Variants in AOAH observed in about 807,000 individuals in gnomAD.
AOAH encodes the protein acyloxyacyl hydrolase (neutrophil).
In AOAH, 64 loss-of-function variants were observed where a neutral mutation model predicts 92.2. The ratio of observed to expected loss-of-function variants is 0.69; its 90% CI spans 0.57 to 0.86. The LOEUF is 0.86. Ranked by LOEUF, AOAH falls within the 40% of genes least tolerant of loss-of-function variation. The probability of loss-of-function intolerance (pLI) is 0.00; values close to 1 mark genes in which losing one functional copy is unlikely to be tolerated. For missense variants in AOAH, 656 were observed against 694.6 expected, an observed-to-expected ratio of 0.94 and a Z score of 0.62; for synonymous variants, 263 against 254.5, an observed-to-expected ratio of 1.03 and a Z score of -0.32.
At chr7:36,633,039 C>T (rs892942161) in intron 5 of AOAH, among the ~76,000 whole-genome samples, 7 of 152,182 alleles carry the variant, frequency 4.6e-5, no homozygotes, top group African/African-American at 7.2e-5. Flanking sequence ...GCCCCAGCTC[C>T]GGGCACACCC....
At chr7:36,649,912 T>C (rs972913800) in intron 4 of AOAH, among the ~76,000 whole-genome samples, 15 of 152,382 alleles carry the variant, frequency 9.8e-5, no homozygotes, top group Non-Finnish European at 1.8e-4. Flanking sequence ...CATGGCTAAA[T>C]GCCTGGATTC....
intron 13 of AOAH, among the ~76,000 whole-genome samples, chr7:36,558,957 G>A (rs1787039059): frequency 6.6e-6 from 1 of 152,228 alleles, no homozygotes; most frequent in African/African-American, 2.4e-5. Flanking sequence ...CCCTGTTTTG[G>A]CTCGCACATG....
Position 36,637,833 on chromosome 7 carries a change from T to G in AOAH, c.450+18A>C. The G allele has an allele frequency of 6.2e-7, 1 of 1,612,872 alleles. No homozygotes were observed. The highest frequency in any genetic ancestry group is 8.5e-7 in the Non-Finnish European group (1 of 1,178,866). On this transcript the variant is annotated intron_variant, in intron 5 of 20. Coordinates refer to ENST00000617537, the MANE Select transcript of AOAH (RefSeq NM_001637.4). ...CATGCCAAGGAAAAGGCTGGCGTTC[T>G]ACGTGCTTAGTGCTTACCAGAATCG...
intron 4 of AOAH, among the ~76,000 whole-genome samples, chr7:36,655,020 C>G (rs573916135): frequency 1.3e-5 from 2 of 152,330 alleles, no homozygotes; most frequent in South Asian, 4.1e-4. Flanking sequence ...TAAATACCAA[C>G]TTCTGCTATT....
chr7:36,720,007 C>G (rs1032012420), intron 1 of AOAH, among the ~76,000 whole-genome samples: 1 of 151,936 alleles, frequency 6.6e-6, no homozygotes, highest in African/African-American at 2.4e-5. Context: ...GCCTAATCAC[C>G]TTTTGCTCAG....
chr7:36,605,254 A>C (rs1790914930), intron 11 of AOAH, among the ~76,000 whole-genome samples: 2 of 150,424 alleles, frequency 1.3e-5, no homozygotes, highest in Admixed American at 1.3e-4. Flanking sequence ...AGTTGAAAAA[A>C]CAATGAATGA....
chr7:36,680,109 A>G (rs779334455), intron 2 of AOAH, among the ~76,000 whole-genome samples: 2 of 152,210 alleles, frequency 1.3e-5, no homozygotes, highest in African/African-American at 2.4e-5. Context: ...GTGACCCAGG[A>G]AAGTGAACTT....
chr7:36,588,865 T>C (rs1317123554), intron 12 of AOAH, among the ~76,000 whole-genome samples: 2 of 152,180 alleles, frequency 1.3e-5, no homozygotes, highest in Non-Finnish European at 2.9e-5. Context: ...TTTGGTTCAA[T>C]ATGCCAAATT....
Position 36,724,045 on chromosome 7 carries a change from A to G in AOAH, c.104T>C (p.Leu35Pro). The stretch of plus-strand genomic sequence containing the variant: ...ACCTACACAGGTGTGCCCATTCGAG[A>G]GGCTGGGCCTGGACTGGTCATCGTT... ...PANDDQSRPS[L>P]SNGHTCVGCV... The change falls in exon 1 of 21, where the codon CTC (leucine) becomes CCC (proline). Residue 35 changes from leucine to proline, a missense_variant. By Grantham distance (98) the Leu-to-Pro change is moderately conservative (BLOSUM62 -3). Transcript: ENST00000617537. The G allele has an allele frequency of 6.2e-7, 1 of 1,613,694 alleles. No homozygotes were observed.
chr7:36,605,110 T>C (rs756072980), intron 11 of AOAH, among the ~76,000 whole-genome samples: 1 of 152,118 alleles, frequency 6.6e-6, no homozygotes, highest in African/African-American at 2.4e-5. Flanking sequence ...ACCATTTCCT[T>C]GAGTGGAAAT....
intron 13 of AOAH, among the ~76,000 whole-genome samples, chr7:36,564,443 G>T (rs546918414): frequency 1.3e-5 from 2 of 152,188 alleles, no homozygotes; most frequent in Admixed American, 1.3e-4. Context: ...AGAGAAAGGA[G>T]AGGAGGGGAG....
intron 16 of AOAH, among the ~76,000 whole-genome samples, chr7:36,533,262 A>T (rs989229159): frequency 2.6e-5 from 4 of 152,108 alleles, no homozygotes; most frequent in Non-Finnish European, 5.9e-5. Context: ...CTGACACTGT[A>T]TCCATTAACA....
rs148050955 is a variant in AOAH at position 36,693,233 on chromosome 7, A to C, written c.128-6439T>G. On this transcript the variant is annotated intron_variant, in intron 1 of 20. Coordinates refer to ENST00000617537, the MANE Select transcript of AOAH (RefSeq NM_001637.4). ...AAAAACTACAAACTTACACATTTTA[A>C]TGGATATCAAGAAATTATTAATGGA... Among the ~76,000 whole-genome samples the C allele has an allele frequency of 5.8e-4, 88 of 152,342 alleles. No individual in the cohort carries two copies. In the Middle Eastern group the frequency reaches 0.017, roughly 29 times the overall value.
intron 19 of AOAH, 50 bp from the exon 20 acceptor site, chr7:36,522,165 G>A (rs769173595): frequency 3.8e-6 from 6 of 1,569,634 alleles, no homozygotes; most frequent in Admixed American, 1.7e-5. Flanking sequence ...ACAAGCAACG[G>A]CCAATATCCA....
At chr7:36,677,079 G>C (rs1469929130) in intron 2 of AOAH, among the ~76,000 whole-genome samples, 11 of 151,946 alleles carry the variant, frequency 7.2e-5, no homozygotes, top group African/African-American at 2.4e-4. Flanking sequence ...AAAAAACAGA[G>C]AAACTTGACT....
rs552838155 is a variant in AOAH, at chr7:36,599,400, T to C, written c.847-4970A>G. ...AAAGCAGGGAGTATCCTCAGTGCCTTTCCTTCACTGTTTACATTTGGGCTC... is the reference window on the plus strand; with the variant it reads ...AAAGCAGGGAGTATCCTCAGTGCCTCTCCTTCACTGTTTACATTTGGGCTC... On this transcript the variant is annotated intron_variant, in intron 11 of 20. Transcript: ENST00000617537. Among the ~76,000 whole-genome samples the C allele has an allele frequency of 1.4e-4, 21 of 152,258 alleles. No individual in the cohort carries two copies. The South Asian group carries it at 4.2e-3, about 30-fold the overall frequency.
chr7:36,568,996 G>T (rs1173610221), intron 13 of AOAH, among the ~76,000 whole-genome samples: 1 of 152,168 alleles, frequency 6.6e-6, no homozygotes, highest in East Asian at 1.9e-4. Flanking sequence ...AGGGGCAGGT[G>T]AGGCTGTAAA....
chr7:36,514,486 G>T (rs749124951), intron 20 of AOAH: 3 of 1,535,572 alleles, frequency 2.0e-6, no homozygotes, highest in South Asian at 2.4e-5. Flanking sequence ...TGGTTCTGCT[G>T]TCGCATGTCA....
chr7:36,567,735 T>C (rs1787814924), intron 13 of AOAH, among the ~76,000 whole-genome samples: 1 of 152,194 alleles, frequency 6.6e-6, no homozygotes, highest in Non-Finnish European at 1.5e-5. Flanking sequence ...AGTGGTGTTT[T>C]TGTGCCCAGG....
Sources: gnomAD v4.1 joint callset for allele counts (sites outside exome capture counted in the v4.1 genomes callset) on GRCh38, gnomAD v4.1.1 for gene constraint, MANE v1.5 for transcripts, NCBI Gene and HGNC (gene_info 2026-07-23, HGNC 2026-07-21) for gene names.